Variants in MYO16 observed in about 807,000 individuals in gnomAD.
MYO16 encodes unconventional myosin-XVI.
In MYO16, 94 loss-of-function variants were observed where a neutral mutation model predicts 205.3. The observed-to-expected ratio is 0.46, with a 90% confidence interval of 0.39 to 0.54. The LOEUF is 0.54. Ranked by LOEUF, MYO16 falls within the 20% of genes least tolerant of loss-of-function variation. The pLI is 0.00. For synonymous variants in MYO16, 988 were observed against 954.0 expected, an observed-to-expected ratio of 1.04 and a Z score of -0.66; for missense variants, 2,315 against 2,387.5, an observed-to-expected ratio of 0.97 and a Z score of 0.63.
chr13:108,749,144 C>A (rs1460058468), intron 4 of MYO16, among the ~76,000 whole-genome samples: 1 of 152,088 alleles, frequency 6.6e-6, no homozygotes, highest in African/African-American at 2.4e-5. Flanking sequence ...TGCATTACCT[C>A]ACAAACTTAT....
At chr13:108,522,917 T>G in the MYO16 span, among the ~76,000 whole-genome samples, 2 of 152,180 alleles carry the variant, frequency 1.3e-5, no homozygotes, top group Non-Finnish European at 2.9e-5. Flanking sequence ...AGGGTCATAT[T>G]CTGAGGTACT....
intron 2 of MYO16, among the ~76,000 whole-genome samples, chr13:108,692,952 C>T (rs1027225975): frequency 7.2e-5 from 11 of 152,096 alleles, no homozygotes; most frequent in African/African-American, 2.7e-4. Flanking sequence ...AAGCCACTCT[C>T]ACGACTACAT....
rs140272577 is a variant in MYO16, at chr13:108,806,777, C to G, written c.840C>G (p.Pro280=). ...TAGTAGATGATCAGTACTGGACTCC[C>G]CTCCACTTGGCAGCCAAATATGGCC... ...LNIVDDQYWT[P]LHLAAKYGQT... The change falls in exon 7 of 35, where the codon CCC becomes CCG. Residue 280 remains proline, a synonymous_variant. Transcript: ENST00000457511. The G allele has an allele frequency of 1.6e-4, 256 of 1,552,110 alleles. 1 individual carries two copies. The highest frequency in any genetic ancestry group is 2.1e-4 in the Non-Finnish European group (244 of 1,144,660).
chr13:108,869,594 C>A (rs1050860950), intron 12 of MYO16, among the ~76,000 whole-genome samples: 139 of 149,944 alleles, frequency 9.3e-4, no homozygotes, highest in Non-Finnish European at 7.6e-4. Flanking sequence ...AGCCGGGCGT[C>A]GTGGCGGGCG....
the MYO16 span, among the ~76,000 whole-genome samples, chr13:108,534,667 C>T: frequency 1.3e-5 from 2 of 152,042 alleles, no homozygotes; most frequent in Non-Finnish European, 2.9e-5. Flanking sequence ...TTCATTGGCT[C>T]ATTTTGTTGA....
chr13:108,804,336 GA>G (rs1311275888), intron 6 of MYO16, among the ~76,000 whole-genome samples: 4 of 152,172 alleles, frequency 2.6e-5, no homozygotes, highest in Non-Finnish European at 4.4e-5. Context: ...GTTCACAGCA[GA>G]AATGATAACC....
At chr13:108,895,311 C>T (rs1223621173) in intron 14 of MYO16, among the ~76,000 whole-genome samples, 7 of 152,042 alleles carry the variant, frequency 4.6e-5, no homozygotes, top group South Asian at 4.2e-4. Flanking sequence ...TACTGTGCAA[C>T]GTTGTCATTG....
chr13:108,537,839 CTTTTTAATGGGATTATTT>C, the MYO16 span, among the ~76,000 whole-genome samples: 3 of 151,878 alleles, frequency 2.0e-5, no homozygotes, highest in African/African-American at 7.2e-5. Flanking sequence ...CCTTTGCCCA[CTTTTTAATGGGATTATTT>C]ATTTATTTAT....
the MYO16 span, among the ~76,000 whole-genome samples, chr13:108,558,408 C>T: frequency 5.9e-5 from 9 of 152,188 alleles, no homozygotes; most frequent in African/African-American, 1.9e-4. Context: ...TGCTTTGAAT[C>T]AAAGGGTAAG....
intron 7 of MYO16, among the ~76,000 whole-genome samples, chr13:108,810,478 TATG>T (rs1478271385): frequency 2.6e-5 from 4 of 152,360 alleles, no homozygotes; most frequent in African/African-American, 9.6e-5. Context: ...ACTGGAGATT[TATG>T]ATAATAGAAG....
chr13:108,619,851 G>A (rs1233680179), intron 1 of MYO16, among the ~76,000 whole-genome samples: 1 of 152,072 alleles, frequency 6.6e-6, no homozygotes, highest in African/African-American at 2.4e-5. Flanking sequence ...TCAGGCAAGG[G>A]ACGATGCGCG....
At position 108,874,692 on chromosome 13, in the gene MYO16, TCA is replaced by T. The variant is rs1491223927; in HGVS notation, c.1426-8366_1426-8365del. On this transcript the variant is annotated intron_variant, in intron 12 of 34. Transcript: ENST00000457511. The stretch of plus-strand genomic sequence containing the variant: ...CGCCCAGAGGCAGACAGTTTCATCA[TCA>T]TCATTATTATTATTATTATTATTAT... 3.7e-3 allele frequency among the ~76,000 whole-genome samples: 342 copies of T among 92,540 alleles called. 1 individual carries two copies. The highest frequency in any genetic ancestry group is 0.012 in the African/African-American group (323 of 27,024). The allele number at this position is 92,540 out of a possible 152,430, so 60.7% of individuals were successfully genotyped here.
chr13:108,508,581 G>C, the MYO16 span, among the ~76,000 whole-genome samples: 1 of 152,064 alleles, frequency 6.6e-6, no homozygotes, highest in Non-Finnish European at 1.5e-5. Context: ...TCAGTGTCTT[G>C]CTATCTCCTG....
intron 7 of MYO16, among the ~76,000 whole-genome samples, chr13:108,811,880 T>C (rs1458457820): frequency 6.6e-6 from 1 of 152,204 alleles, no homozygotes; most frequent in Non-Finnish European, 1.5e-5. Context: ...GTAATCATTC[T>C]ACATGCAGAC....
intron 1 of MYO16, among the ~76,000 whole-genome samples, chr13:108,617,567 G>A (rs183916995): frequency 3.9e-4 from 60 of 152,210 alleles, no homozygotes; most frequent in African/African-American, 1.3e-3. Context: ...TCACAGGTAC[G>A]GGCTTTCATC....
At chr13:108,741,097 C>T (rs1884893468) in intron 4 of MYO16, among the ~76,000 whole-genome samples, 1 of 152,116 alleles carries the variant, frequency 6.6e-6, no homozygotes, top group Non-Finnish European at 1.5e-5. Flanking sequence ...GAAGCAATGC[C>T]TCGCCCTGCT....
At chr13:108,906,012 G>A (rs1434365198) in intron 15 of MYO16, among the ~76,000 whole-genome samples, 1 of 152,176 alleles carries the variant, frequency 6.6e-6, no homozygotes, top group Non-Finnish European at 1.5e-5. Flanking sequence ...GTGCCCGCTG[G>A]CCTTGGGCAG....
At chr13:108,865,165 T>A (rs954339854) in intron 11 of MYO16, among the ~76,000 whole-genome samples, 1 of 152,180 alleles carries the variant, frequency 6.6e-6, no homozygotes, top group Non-Finnish European at 1.5e-5. Flanking sequence ...GTTCAACTTG[T>A]CAGTAACAGT....
the MYO16 span, among the ~76,000 whole-genome samples, chr13:108,530,663 T>C: frequency 6.6e-6 from 1 of 152,220 alleles, no homozygotes; most frequent in Non-Finnish European, 1.5e-5. Context: ...GCCTAGCTTA[T>C]GGTAAAAACT....
Sources: allele counts gnomAD v4.1 joint callset (sites outside exome capture counted in the v4.1 genomes callset), GRCh38; gene constraint gnomAD v4.1.1; transcripts MANE v1.5; gene names NCBI Gene and HGNC (gene_info 2026-07-23, HGNC 2026-07-21).